The following GPC6 variants were observed in gnomAD, a reference collection of about 807,000 sequenced individuals.
GPC6 encodes glypican 6, also known as glypican-6.
In GPC6, 14 loss-of-function variants were observed where a neutral mutation model predicts 55.2. The ratio of observed to expected loss-of-function variants is 0.25; its 90% CI spans 0.17 to 0.40. The LOEUF is 0.40. GPC6 is among the 10% of genes least tolerant of loss of function. The pLI is 1.00. For synonymous variants in GPC6, 278 were observed against 259.6 expected (o/e 1.07, Z -0.68); for missense variants, 641 against 708.5 (o/e 0.90, Z 1.08).
intron 1 of GPC6, among the ~76,000 whole-genome samples, chr13:93,379,427 G>A (rs926541955): frequency 6.6e-6 from 1 of 152,088 alleles, no homozygotes; most frequent in Non-Finnish European, 1.5e-5. Flanking sequence ...ATGAAAATAA[G>A]TGACCAGTCT....
rs545845101 is a variant in GPC6, at chr13:93,412,296, T to A, written c.161-132967T>A. Reference sequence around the variant, plus strand: ...AGCCACCACCTTTTCAAGACAATAGTATTAATAAATTCCAGTATGGTTTAC... The same window carrying A: ...AGCCACCACCTTTTCAAGACAATAGAATTAATAAATTCCAGTATGGTTTAC... On this transcript the variant is annotated intron_variant, in intron 1 of 8. Transcript: ENST00000377047. Among the ~76,000 whole-genome samples, 6 of 152,254 alleles carry A rather than the reference T, an allele frequency of 3.9e-5. No individual in the cohort carries two copies. In the East Asian group the frequency reaches 1.2e-3, roughly 29 times the overall value.
At chr13:93,464,467 G>T (rs1594188705) in intron 1 of GPC6, among the ~76,000 whole-genome samples, 1 of 152,322 alleles carries the variant, frequency 6.6e-6, no homozygotes, top group East Asian at 1.9e-4. Flanking sequence ...GATGGTCACA[G>T]CATCTTCAGC....
At chr13:93,665,788 C>A (rs1007127482) in intron 2 of GPC6, among the ~76,000 whole-genome samples, 1 of 152,110 alleles carries the variant, frequency 6.6e-6, no homozygotes, top group African/African-American at 2.4e-5. Context: ...TAAATCTTGT[C>A]ATGTATGTAA....
At chr13:94,194,346 CAG>C (rs1484573390) in intron 4 of GPC6, among the ~76,000 whole-genome samples, 3 of 152,124 alleles carry the variant, frequency 2.0e-5, no homozygotes, top group African/African-American at 4.8e-5. Context: ...TCAAATTTAA[CAG>C]AGTGTCCTGC....
At chr13:93,260,501 T>C (rs1877108323) in intron 1 of GPC6, among the ~76,000 whole-genome samples, 2 of 152,216 alleles carry the variant, frequency 1.3e-5, no homozygotes, top group South Asian at 4.1e-4. Flanking sequence ...TCCTAGGACT[T>C]GTTATCACCG....
chr13:93,749,016 G>T (rs1241033762), intron 2 of GPC6, among the ~76,000 whole-genome samples: 1 of 151,854 alleles, frequency 6.6e-6, no homozygotes. Flanking sequence ...GTTTCTTATT[G>T]TTATATAGTA....
chr13:93,634,096 C>T (rs1879594963), intron 2 of GPC6, among the ~76,000 whole-genome samples: 1 of 152,156 alleles, frequency 6.6e-6, no homozygotes, highest in African/African-American at 2.4e-5. Context: ...CCCTCAATCC[C>T]ATTCGAAGAG....
At chr13:93,708,510 T>A (rs192796977) in intron 2 of GPC6, among the ~76,000 whole-genome samples, 22 of 151,948 alleles carry the variant, frequency 1.4e-4, no homozygotes, top group African/African-American at 4.3e-4. Context: ...TTATCAGTCT[T>A]TGAGGTTTTG....
At chr13:94,057,325 A>G (rs537837346) in intron 4 of GPC6, among the ~76,000 whole-genome samples, 2 of 152,276 alleles carry the variant, frequency 1.3e-5, no homozygotes, top group South Asian at 2.1e-4. Context: ...AATTAGTTCT[A>G]TTCGGGAGTG....
chr13:94,334,069 T>C (rs554840487), intron 6 of GPC6, among the ~76,000 whole-genome samples: 3 of 152,350 alleles, frequency 2.0e-5, no homozygotes, highest in Admixed American at 6.5e-5. Context: ...TGGAAAGATA[T>C]ATTGAAACTT....
intron 3 of GPC6, among the ~76,000 whole-genome samples, chr13:93,901,132 G>A (rs1876326445): frequency 6.6e-6 from 1 of 152,134 alleles, no homozygotes; most frequent in South Asian, 2.1e-4. Flanking sequence ...TTGACTAAAT[G>A]TCCAGCAAAG....
chr13:93,781,454 C>T lies in GPC6; in HGVS notation c.320-48700C>T, dbSNP rs75276811. On this transcript the variant is annotated intron_variant, in intron 2 of 8. Coordinates refer to ENST00000377047, the MANE Select transcript of GPC6 (RefSeq NM_005708.5). ...AGATGCCCAAGTTAAGGGATCGTTA[C>T]AGGCAGAACCAAAATATGGATTTTG... is the stretch of plus-strand genomic sequence containing the variant. 5.2e-3 allele frequency among the ~76,000 whole-genome samples: 785 copies of T among 152,230 alleles called. 7 individuals carry two copies. The highest frequency in any genetic ancestry group is 0.018 in the African/African-American group (752 of 41,548).
chr13:94,406,346 GTT>G lies in GPC6; in HGVS notation c.*3131_*3132del, dbSNP rs1273557267. ...TTACAAATTTACCAATAAGAGCTCT[GTT>G]TATGGTTCTGTATTGAAGGACAACC... On this transcript the variant is annotated 3_prime_UTR_variant, in exon 9 of 9. Transcript: ENST00000377047. 6.6e-6 allele frequency: 1 copy of G among 152,068 alleles called. No individual in the cohort carries two copies. The highest frequency in any genetic ancestry group is 6.5e-5 in the Admixed American group (1 of 15,270). 9.4% of individuals were successfully genotyped at this position (152,068 alleles called of 1,614,324 possible).
At chr13:94,049,439 A>G (rs1315355996) in intron 4 of GPC6, among the ~76,000 whole-genome samples, 4 of 152,066 alleles carry the variant, frequency 2.6e-5, no homozygotes, top group African/African-American at 9.7e-5. Context: ...AATAACAAAT[A>G]ATTTGCCTCA....
intron 1 of GPC6, among the ~76,000 whole-genome samples, chr13:93,238,394 A>G (rs1401627205): frequency 6.6e-6 from 1 of 152,128 alleles, no homozygotes; most frequent in African/African-American, 2.4e-5. Context: ...TTATTGGTAT[A>G]TAGCAGTGCC....
At chr13:93,865,493 G>C (rs1566576476) in intron 3 of GPC6, among the ~76,000 whole-genome samples, 1 of 151,616 alleles carries the variant, frequency 6.6e-6, no homozygotes, top group Non-Finnish European at 1.5e-5. Context: ...ATCTCACTGT[G>C]GATCTGATGG....
At chr13:93,487,147 C>A (rs961433750) in intron 1 of GPC6, among the ~76,000 whole-genome samples, 1 of 152,150 alleles carries the variant, frequency 6.6e-6, no homozygotes, top group Non-Finnish European at 1.5e-5. Context: ...TCTTGACTGT[C>A]ATTTTCATAA....
intron 6 of GPC6, among the ~76,000 whole-genome samples, chr13:94,363,476 A>C (rs1879151442): frequency 6.6e-6 from 1 of 152,182 alleles, no homozygotes; most frequent in Non-Finnish European, 1.5e-5. Flanking sequence ...GAGTGAGGTC[A>C]GAGAAAAATG....
In GPC6 at chr13:94,021,333, C is replaced by T. The variant is rs188554422; in HGVS notation, c.712-6396C>T. Among the ~76,000 whole-genome samples the T allele has an allele frequency of 2.8e-4, 43 of 151,744 alleles. 1 individual carries two copies. The highest frequency in any genetic ancestry group is 8.2e-4 in the African/African-American group (34 of 41,442). Reference sequence around the variant, plus strand: ...TATTTAATATTTTAAGAAACAGTCACGTGTTACATTGGCTACTATTAGGAA... The same window carrying T: ...TATTTAATATTTTAAGAAACAGTCATGTGTTACATTGGCTACTATTAGGAA... On this transcript the variant is annotated intron_variant, in intron 3 of 8. Transcript: ENST00000377047.
Sources: gnomAD v4.1 joint callset for allele counts (sites outside exome capture counted in the v4.1 genomes callset) on GRCh38, gnomAD v4.1.1 for gene constraint, MANE v1.5 for transcripts, NCBI Gene and HGNC (gene_info 2026-07-23, HGNC 2026-07-21) for gene names.